The following CCDC73 variants were observed in gnomAD, a reference collection of about 807,000 sequenced individuals.
The protein encoded by CCDC73 is coiled-coil domain-containing protein 73.
In CCDC73, 95 loss-of-function variants were observed where a neutral mutation model predicts 116.5. That is an observed-to-expected ratio of 0.82 (90% CI 0.69 to 0.97). CCDC73 has a LOEUF of 0.97. Among genes scored for constraint, CCDC73 ranks in the 50% least tolerant of loss-of-function variants. The probability of loss-of-function intolerance (pLI) is 0.00; values close to 1 mark genes in which losing one functional copy is unlikely to be tolerated. For missense variants in CCDC73, 1,066 were observed against 1,206.8 expected (o/e 0.88, Z 1.73); for synonymous variants, 398 against 401.3 (o/e 0.99, Z 0.10).
chr11:32,620,223 G>A (rs1450811081), intron 14 of CCDC73, among the ~76,000 whole-genome samples: 4 of 152,098 alleles, frequency 2.6e-5, no homozygotes, highest in African/African-American at 9.7e-5. Flanking sequence ...GCTGGCAGTT[G>A]GTGGCAGCTG....
chr11:32,760,690 A>T (rs1039897728), intron 1 of CCDC73, among the ~76,000 whole-genome samples: 2 of 152,220 alleles, frequency 1.3e-5, no homozygotes, highest in African/African-American at 4.8e-5. Flanking sequence ...GGCTGGAAAA[A>T]TTGCCTTTTA....
chr11:32,826,218 G>A, the CCDC73 span, among the ~76,000 whole-genome samples: 2 of 152,200 alleles, frequency 1.3e-5, no homozygotes, highest in East Asian at 3.8e-4. Flanking sequence ...AACAGTAGGA[G>A]TCTTTCATTT....
intron 2 of CCDC73, among the ~76,000 whole-genome samples, chr11:32,747,920 G>A (rs745923402): frequency 1.1e-4 from 17 of 152,184 alleles, no homozygotes; most frequent in African/African-American, 2.2e-4. Context: ...GCGACACCCC[G>A]CTCTGCTTCA....
At chr11:32,754,050 T>C (rs928668549) in intron 2 of CCDC73, among the ~76,000 whole-genome samples, 1 of 152,238 alleles carries the variant, frequency 6.6e-6, no homozygotes, top group African/African-American at 2.4e-5. Flanking sequence ...TTTTAAATTA[T>C]TACAGCATTT....
intron 12 of CCDC73, among the ~76,000 whole-genome samples, chr11:32,646,288 C>T (rs549872139): frequency 6.6e-6 from 1 of 152,142 alleles, no homozygotes; most frequent in Non-Finnish European, 1.5e-5. Context: ...TCTGAGGATA[C>T]CCTTTTTCAG....
chr11:32,738,894 C>T (rs564202257), intron 2 of CCDC73, among the ~76,000 whole-genome samples: 24 of 152,190 alleles, frequency 1.6e-4, no homozygotes, highest in South Asian at 4.1e-4. Context: ...ACATAGTGGT[C>T]TACTTTCATT....
In CCDC73 at chr11:32,611,139, G is replaced by A. The variant is rs1402395450; in HGVS notation, c.3023C>T (p.Thr1008Ile). The A allele has an allele frequency of 5.6e-6, 9 of 1,613,602 alleles. No individual in the cohort carries two copies. The highest frequency in any genetic ancestry group is 6.8e-6 in the Non-Finnish European group (8 of 1,179,802). Residue 1008 changes from threonine to isoleucine, a missense_variant, in exon 17 of 18, where the codon ACA (threonine) becomes ATA (isoleucine). By Grantham distance (89) the Thr-to-Ile change is moderately conservative. Transcript: ENST00000335185. ...AKTFYDSSFP[T>I]EHVKTKPLIS... ...TATTTTTAATTGACTTACATGTTCTGTGGGAAAAGAGGAATCATAAAAAGT... is the reference window on the plus strand; with the variant it reads ...TATTTTTAATTGACTTACATGTTCTATGGGAAAAGAGGAATCATAAAAAGT...
intron 7 of CCDC73, chr11:32,683,275 G>A: frequency 2.5e-6 from 1 of 402,598 alleles, no homozygotes; most frequent in Non-Finnish European, 4.5e-6. Flanking sequence ...TTCCAATTTT[G>A]AAGCATTTCA....
chr11:32,746,152 T>C (rs936604003), intron 2 of CCDC73, among the ~76,000 whole-genome samples: 31 of 152,170 alleles, frequency 2.0e-4, no homozygotes, highest in Non-Finnish European at 1.2e-4. Context: ...ATTTGCTTGT[T>C]TGTAAAGGAT....
chr11:32,751,529 C>G (rs748270207), intron 2 of CCDC73, among the ~76,000 whole-genome samples: 25 of 152,164 alleles, frequency 1.6e-4, no homozygotes, highest in Non-Finnish European at 3.5e-4. Flanking sequence ...TAGGGCTAGC[C>G]TGAATGCACC....
intron 1 of CCDC73, among the ~76,000 whole-genome samples, chr11:32,778,719 G>C (rs1275683583): frequency 6.6e-6 from 1 of 152,090 alleles, no homozygotes; most frequent in African/African-American, 2.4e-5. Flanking sequence ...GGCTAAGGCA[G>C]GAGAATTGCT....
At chr11:32,800,861 G>A in the CCDC73 span, among the ~76,000 whole-genome samples, 3 of 152,114 alleles carry the variant, frequency 2.0e-5, no homozygotes, top group South Asian at 6.2e-4. Flanking sequence ...ACACTTTAGG[G>A]GCAAAAAAAT....
intron 6 of CCDC73, among the ~76,000 whole-genome samples, chr11:32,695,457 C>G (rs1341073781): frequency 6.6e-6 from 1 of 151,688 alleles, no homozygotes; most frequent in Non-Finnish European, 1.5e-5. Context: ...ATTAAATGTT[C>G]AATCCTACCT....
At chr11:32,643,204 T>C (rs889030379) in intron 12 of CCDC73, among the ~76,000 whole-genome samples, 4 of 152,078 alleles carry the variant, frequency 2.6e-5, no homozygotes, top group African/African-American at 9.6e-5. Flanking sequence ...TATGGCAACA[T>C]ATCTAATACG....
At chr11:32,606,747 C>G (rs1016547195) in intron 17 of CCDC73, among the ~76,000 whole-genome samples, 1 of 150,502 alleles carries the variant, frequency 6.6e-6, no homozygotes, top group South Asian at 2.1e-4. Flanking sequence ...GTCACTGTTT[C>G]ATCTGTAAAA....
intron 14 of CCDC73, among the ~76,000 whole-genome samples, chr11:32,631,547 C>T (rs976051331): frequency 1.3e-5 from 2 of 148,830 alleles, no homozygotes; most frequent in African/African-American, 5.0e-5. Flanking sequence ...ATATTTTGAG[C>T]CTGGGCAACA....
intron 10 of CCDC73, among the ~76,000 whole-genome samples, chr11:32,654,362 C>T (rs569305694): frequency 3.3e-5 from 5 of 152,070 alleles, no homozygotes; most frequent in Admixed American, 6.6e-5. Flanking sequence ...TTAGTGGAGA[C>T]GAGGTTTCAT....
At chr11:32,735,915 G>T (rs1392169965) in intron 2 of CCDC73, among the ~76,000 whole-genome samples, 1 of 151,968 alleles carries the variant, frequency 6.6e-6, no homozygotes, top group Non-Finnish European at 1.5e-5. Flanking sequence ...GGGAAAAGGA[G>T]TCCCTATTTA....
chr11:32,708,984 C>T (rs764373784), intron 3 of CCDC73, among the ~76,000 whole-genome samples: 1 of 152,230 alleles, frequency 6.6e-6, no homozygotes, highest in South Asian at 2.1e-4. Context: ...TTGTCTTGTT[C>T]CAGTTCTCAG....
Sources: gnomAD v4.1 joint callset for allele counts (sites outside exome capture counted in the v4.1 genomes callset) on GRCh38, gnomAD v4.1.1 for gene constraint, MANE v1.5 for transcripts, NCBI Gene and HGNC (gene_info 2026-07-23, HGNC 2026-07-21) for gene names.